NBAS: variants seen among roughly 807,000 people sequenced by gnomAD.
NBAS encodes NAG/BC035112 fusion.
NBAS carries 219 observed loss-of-function variants against 302.5 expected under a neutral mutation model. The observed-to-expected ratio is 0.72, with a 90% confidence interval of 0.65 to 0.81. The LOEUF is 0.81. Among genes scored for constraint, NBAS ranks in the 30% least tolerant of loss-of-function variants. The pLI is 0.00. For synonymous variants in NBAS, 1,118 were observed against 1,021.6 expected (o/e 1.09, Z -1.80); for missense variants, 2,932 against 2,841.6 (o/e 1.03, Z -0.72).
At chr2:15,435,419 A>G (rs1012263860) in intron 21 of NBAS, among the ~76,000 whole-genome samples, 6 of 152,230 alleles carry the variant, frequency 3.9e-5, no homozygotes, top group Non-Finnish European at 7.3e-5. Flanking sequence ...TAATACTTAT[A>G]TAGTACTTAA....
At chr2:15,127,969 C>T in the NBAS span, among the ~76,000 whole-genome samples, 71 of 152,268 alleles carry the variant, frequency 4.7e-4, no homozygotes, top group African/African-American at 1.4e-3. Flanking sequence ...TCCAATTCCC[C>T]GTTCAGCTAA....
chr2:15,038,958 C>T, the NBAS span, among the ~76,000 whole-genome samples: 1 of 152,168 alleles, frequency 6.6e-6, no homozygotes, highest in Non-Finnish European at 1.5e-5. Flanking sequence ...TCTTCGTTGG[C>T]CTAGTGGTAA....
At position 15,330,719 on chromosome 2, in the gene NBAS, C is replaced by T. The variant is rs748997539; in HGVS notation, c.4226G>A (p.Trp1409Ter). The change falls in exon 36 of 52, where the codon TGG becomes TAG. Residue 1409 changes from tryptophan (W) to a stop codon, truncating the protein, a stop_gained. Coordinates refer to ENST00000281513, the MANE Select transcript of NBAS (RefSeq NM_015909.4). LOFTEE classifies it high-confidence loss of function. ...PGSNSADLLR[W>*]TTATTMKVLS... Reference sequence around the variant, plus strand: ...GACTTTCATGGTGGTAGCAGTGGTCCAGCGCAATAGGTCAGCTGAATTGCT... The same window carrying T: ...GACTTTCATGGTGGTAGCAGTGGTCTAGCGCAATAGGTCAGCTGAATTGCT... 2 of 1,614,014 alleles carry T rather than the reference C, an allele frequency of 1.2e-6. No homozygotes were observed. The highest frequency in any genetic ancestry group is 4.5e-5 in the East Asian group (2 of 44,872).
chr2:15,560,591 A>G (rs13024782), intron 1 of NBAS, among the ~76,000 whole-genome samples: 79,368 of 151,832 alleles, frequency 0.52, 23,561 homozygotes, highest in Non-Finnish European at 0.67. Context: ...ACACCGAGAC[A>G]GACGAACGGA....
chr2:15,382,388 G>T (rs1675081780), intron 29 of NBAS, among the ~76,000 whole-genome samples: 1 of 152,166 alleles, frequency 6.6e-6, no homozygotes, highest in African/African-American at 2.4e-5. Flanking sequence ...CTGTCTAGGA[G>T]CTGAGGACCA....
chr2:15,341,435 G>T (rs1410897464), intron 35 of NBAS, among the ~76,000 whole-genome samples: 1 of 146,664 alleles, frequency 6.8e-6, no homozygotes, highest in East Asian at 2.0e-4. Context: ...TAAAGTAAAA[G>T]AAAACTGTTA....
the NBAS span, among the ~76,000 whole-genome samples, chr2:15,012,119 T>A: frequency 7.9e-5 from 12 of 152,078 alleles, 1 homozygote; most frequent in African/African-American, 2.4e-4. Flanking sequence ...AAAATAATAA[T>A]CTTAAGGACA....
At chr2:14,922,513 C>T in the NBAS span, among the ~76,000 whole-genome samples, 4 of 152,200 alleles carry the variant, frequency 2.6e-5, no homozygotes, top group Non-Finnish European at 5.9e-5. Context: ...GCAGAAGCCA[C>T]CTTTCCTTTA....
the NBAS span, among the ~76,000 whole-genome samples, chr2:15,003,159 C>T: frequency 6.6e-6 from 1 of 152,318 alleles, no homozygotes; most frequent in Middle Eastern, 3.4e-3. Flanking sequence ...ATTTCCAGAG[C>T]AGAAGTCAAG....
chr2:15,101,291 G>T, the NBAS span, among the ~76,000 whole-genome samples: 57,501 of 151,652 alleles, frequency 0.38, 13,033 homozygotes, highest in African/African-American at 0.64. Flanking sequence ...AATTCCAGGG[G>T]CAGTAAAAAA....
the NBAS span, among the ~76,000 whole-genome samples, chr2:14,798,145 G>A: frequency 2.8e-4 from 43 of 152,280 alleles, no homozygotes; most frequent in Non-Finnish European, 3.8e-4. Flanking sequence ...TAGAAGTGAA[G>A]AGAATGGACA....
intron 51 of NBAS, chr2:15,177,863 A>G (rs989829699): frequency 3.8e-6 from 1 of 260,998 alleles, no homozygotes; most frequent in African/African-American, 2.2e-5. Context: ...GTTCTGATTA[A>G]TTATTGGTGA....
At chr2:15,361,042 G>A (rs535028921) in intron 32 of NBAS, among the ~76,000 whole-genome samples, 3 of 152,244 alleles carry the variant, frequency 2.0e-5, no homozygotes, top group Non-Finnish European at 4.4e-5. Flanking sequence ...TGTATAGGAG[G>A]TTTACATCTC....
chr2:15,520,157 T>C (rs960364781), intron 9 of NBAS, among the ~76,000 whole-genome samples: 2 of 152,130 alleles, frequency 1.3e-5, no homozygotes, highest in African/African-American at 2.4e-5. Context: ...ATTCCAGCAC[T>C]TTGGGAGGCC....
chr2:15,440,081 C>A lies in NBAS; in HGVS notation c.2340-12287G>T, dbSNP rs141469187. ...GTAGGCTCCATCTCTGGGGGCAGGGCACAGACAAACTAAAAGACAGCAGTA... is the reference window on the plus strand; with the variant it reads ...GTAGGCTCCATCTCTGGGGGCAGGGAACAGACAAACTAAAAGACAGCAGTA... On this transcript the variant is annotated intron_variant, in intron 21 of 51. Transcript: ENST00000281513. 1.5e-3 allele frequency among the ~76,000 whole-genome samples: 224 copies of A among 152,350 alleles called. 3 individuals are homozygous for A. Among genetic ancestry groups the A allele is most frequent in the African/African-American group, 5.2e-3 (217 of 41,594 alleles).
the NBAS span, among the ~76,000 whole-genome samples, chr2:14,978,275 T>C: frequency 2.6e-5 from 4 of 152,226 alleles, no homozygotes; most frequent in Non-Finnish European, 5.9e-5. Context: ...CTTCAGAGTA[T>C]GTAGTATCAT....
chr2:15,046,912 G>A, the NBAS span, among the ~76,000 whole-genome samples: 3 of 152,176 alleles, frequency 2.0e-5, no homozygotes, highest in Non-Finnish European at 4.4e-5. Context: ...CAGCAAAAGG[G>A]CTCCAGGAAG....
chr2:14,829,155 G>T, the NBAS span, among the ~76,000 whole-genome samples: 1 of 151,834 alleles, frequency 6.6e-6, no homozygotes, highest in African/African-American at 2.4e-5. Context: ...TCAGAACCCA[G>T]GTTAATGGAT....
rs1360298410 is a variant in NBAS at position 15,167,075 on chromosome 2, G to T, written c.7089C>A (p.Ala2363=). 1 of 1,605,032 alleles carries T rather than the reference G, an allele frequency of 6.2e-7. No homozygotes were observed. Among genetic ancestry groups the T allele is most frequent in the Admixed American group, 1.7e-5 (1 of 59,674 alleles). ...THQAFRTFST[A]LRAAQHWV is the part of the protein sequence containing the mutation. ...ACACCCAGTGCTGTGCTGCGCGGAGGGCTGTACTGAAGGTTCTGAAGGCCT... is the reference window on the plus strand; with the variant it reads ...ACACCCAGTGCTGTGCTGCGCGGAGTGCTGTACTGAAGGTTCTGAAGGCCT... The change falls in exon 52 of 52, where the codon GCC becomes GCA. Residue 2363 remains alanine (A), a synonymous_variant. Coordinates refer to ENST00000281513, the MANE Select transcript of NBAS (RefSeq NM_015909.4).
Sources: gnomAD v4.1 joint callset for allele counts (sites outside exome capture counted in the v4.1 genomes callset) on GRCh38, gnomAD v4.1.1 for gene constraint, MANE v1.5 for transcripts, NCBI Gene and HGNC (gene_info 2026-07-23, HGNC 2026-07-21) for gene names.